Variants in APPL2 observed in about 807,000 individuals in gnomAD.
APPL2 encodes adaptor protein, phosphotyrosine interacting with PH domain and leucine zipper 2.
APPL2 carries 84 observed loss-of-function variants against 92.7 expected under a neutral mutation model. The observed-to-expected ratio is 0.91, with a 90% CI of 0.76 to 1.09. The LOEUF is 1.09. Among genes scored for constraint, APPL2 ranks in the 50% least tolerant of loss-of-function variants. The pLI is 0.00. For synonymous variants in APPL2, 291 were observed against 291.0 expected (o/e 1.00, Z 0.00); for missense variants, 736 against 824.5 (o/e 0.89, Z 1.31).
In APPL2 at chr12:105,217,710, C is replaced by T; in HGVS notation, c.169G>A (p.Ala57Thr). The change falls in exon 3 of 21, where the codon GCC becomes ACC. Residue 57 changes from alanine (A) to threonine (T), a missense_variant. Coordinates refer to ENST00000258530, the MANE Select transcript of APPL2 (RefSeq NM_018171.5). ...VYGAQNEMCL[A>T]TQQLSKQLLA... Reference sequence around the variant, plus strand: ...AGTTGCTTAGAAAGCTGTTGTGTGGCCAGGCACATCTCATTCTGTGGAGAG... The same window carrying T: ...AGTTGCTTAGAAAGCTGTTGTGTGGTCAGGCACATCTCATTCTGTGGAGAG... 6.2e-7 allele frequency: 1 copy of T among 1,613,828 alleles called. No homozygotes were observed. Among genetic ancestry groups the T allele is most frequent in the South Asian group, 1.1e-5 (1 of 91,074 alleles).
intron 20 of APPL2, among the ~76,000 whole-genome samples, chr12:105,174,830 G>A (rs934979369): frequency 4.1e-4 from 58 of 141,482 alleles, no homozygotes; most frequent in Non-Finnish European, 2.3e-4. Context: ...AAACAGCTGC[G>A]GCCATTTATT....
At position 105,217,654 on chromosome 12, in the gene APPL2, A is replaced by G. The variant is rs774440461; in HGVS notation, c.213+12T>C. 7 of 1,613,896 alleles carry G rather than the reference A, an allele frequency of 4.3e-6. No homozygotes were observed. The highest frequency in any genetic ancestry group is 5.1e-6 in the Non-Finnish European group (6 of 1,179,884). ...CACAGCAGCATCACAGGCCACATAAATACCAAGTTACCTGTTTTTCATATG... is the reference window on the plus strand; with the variant it reads ...CACAGCAGCATCACAGGCCACATAAGTACCAAGTTACCTGTTTTTCATATG... On this transcript the variant is annotated intron_variant, in intron 3 of 20. Coordinates refer to ENST00000258530, the MANE Select transcript of APPL2 (RefSeq NM_018171.5).
At chr12:105,174,639 T>C (rs113240615) in intron 20 of APPL2, among the ~76,000 whole-genome samples, 191 bp from the exon 21 acceptor site, 1 of 152,184 alleles carries the variant, frequency 6.6e-6, no homozygotes, top group South Asian at 2.1e-4. Context: ...ACTGTTTTCC[T>C]CTGAGCCAAA....
chr12:105,224,560 C>T (rs1417581606), intron 2 of APPL2, among the ~76,000 whole-genome samples: 1 of 152,222 alleles, frequency 6.6e-6, no homozygotes, highest in African/African-American at 2.4e-5. Context: ...CACTCATCAG[C>T]TGTGTGACCT....
chr12:105,180,421 CT>C (rs1183020766), intron 17 of APPL2, among the ~76,000 whole-genome samples: 1 of 152,134 alleles, frequency 6.6e-6, no homozygotes, highest in Non-Finnish European at 1.5e-5. Context: ...ATACCTCCAG[CT>C]TTGTTCCTTT....
intron 4 of APPL2, among the ~76,000 whole-genome samples, chr12:105,212,073 C>T (rs1329931389): frequency 1.4e-5 from 2 of 140,288 alleles, no homozygotes; most frequent in Non-Finnish European, 3.0e-5. Flanking sequence ...GAGCCGAGAT[C>T]GCACCACTGC....
At chr12:105,204,203 ACTG>A (rs1352257674) in intron 8 of APPL2, among the ~76,000 whole-genome samples, 5 of 152,176 alleles carry the variant, frequency 3.3e-5, no homozygotes, top group African/African-American at 4.8e-5. Flanking sequence ...TTAGGTATGA[ACTG>A]CTCCATTTTC....
rs1312617343 is a variant in APPL2, at chr12:105,174,443, T to C, written c.1866A>G (p.Pro622=). Residue 622 remains proline (P), a synonymous_variant, in exon 21 of 21, where the codon CCA becomes CCG. Transcript: ENST00000258530. The part of the protein sequence containing the change: ...GKEIIEVQKD[P]EALAQLMLSI... The stretch of plus-strand genomic sequence containing the variant: ...ACAGCATTAATTGAGCCAGTGCTTC[T>C]GGATCCTGAAGTTAGGAGAGTTTAA... 1 of 1,612,932 alleles carries C rather than the reference T, an allele frequency of 6.2e-7. No individual in the cohort carries two copies. The highest frequency in any genetic ancestry group is 8.5e-7 in the Non-Finnish European group (1 of 1,179,510).
intron 11 of APPL2, among the ~76,000 whole-genome samples, chr12:105,196,598 T>G (rs1887674526): frequency 6.6e-6 from 1 of 151,854 alleles, no homozygotes; most frequent in Non-Finnish European, 1.5e-5. Flanking sequence ...ACCACTAACG[T>G]GCCCGGCCAA....
intron 10 of APPL2, 163 bp downstream of exon 10, chr12:105,199,210 G>A: frequency 1.2e-6 from 1 of 801,468 alleles, no homozygotes; most frequent in Non-Finnish European, 1.9e-6. Flanking sequence ...CTGGGCCCCA[G>A]AGGTTTCCTG....
At position 105,188,139 on chromosome 12, in the gene APPL2, T is replaced by C. The variant is rs1054472851; in HGVS notation, c.1634+134A>G. On this transcript the variant is annotated intron_variant, in intron 17 of 20. Coordinates refer to ENST00000258530, the MANE Select transcript of APPL2 (RefSeq NM_018171.5). ...GGAGCACTTTCTAGGCTATCTATCT[T>C]ATGTAAAAAGTAGTGGGGGCAAAAG... The C allele has an allele frequency of 1.1e-5, 11 of 966,524 alleles. No homozygotes were observed. The African/African-American group carries it at 1.2e-4, about 10-fold the overall frequency. The allele number at this position is 966,524 out of a possible 1,614,324, so 59.9% of individuals were successfully genotyped here.
intron 20 of APPL2, 80 bp from the exon 21 acceptor site, chr12:105,174,528 G>A: frequency 6.2e-6 from 9 of 1,460,368 alleles, no homozygotes; most frequent in Non-Finnish European, 8.3e-6. Context: ...CTTTCAATAT[G>A]TTCTGTAATC....
In APPL2 at chr12:105,195,342, G is replaced by GC; in HGVS notation, c.1159dup (p.Ala387GlyfsTer39). 1.2e-6 allele frequency: 2 copies of GC among 1,614,074 alleles called. No homozygotes were observed. Among genetic ancestry groups the GC allele is most frequent in the Non-Finnish European group, 1.7e-6 (2 of 1,180,022 alleles). On this transcript the variant is annotated frameshift_variant, in exon 14 of 21. Transcript: ENST00000258530. LOFTEE classifies it high-confidence loss of function. ...CAGAGCGGTCTGATTCAACTTGATC[G>GC]CGACTGCCTAAAAATCCACAGGAAG...
chr12:105,212,098 G>A lies in APPL2; in HGVS notation c.286-781C>T, dbSNP rs1326926321. On this transcript the variant is annotated intron_variant, in intron 4 of 20. Transcript: ENST00000258530. ...CGCACCACTGCAGTTCAGCCTGGGT[G>A]ACAGAGCGAGACTCCATCTCAAAAA... Among the ~76,000 whole-genome samples, 12 of 113,306 alleles carry A rather than the reference G, an allele frequency of 1.1e-4. No individual in the cohort carries two copies. In the South Asian group the frequency reaches 3.6e-3, roughly 34 times the overall value. 74.3% of individuals were successfully genotyped at this position (113,306 alleles called of 152,430 possible).
At chr12:105,185,229 G>A (rs1475195402) in intron 17 of APPL2, among the ~76,000 whole-genome samples, 1 of 152,182 alleles carries the variant, frequency 6.6e-6, no homozygotes, top group African/African-American at 2.4e-5. Flanking sequence ...AAGACCACTT[G>A]GCTCCCTGGC....
At chr12:105,216,729 C>T (rs547821825) in intron 4 of APPL2, among the ~76,000 whole-genome samples, 2 of 152,316 alleles carry the variant, frequency 1.3e-5, no homozygotes, top group South Asian at 4.1e-4. Flanking sequence ...CTACAGCACA[C>T]TGGGAGGGAA....
chr12:105,206,948 G>T, intron 8 of APPL2, 113 bp downstream of exon 8: 2 of 1,347,690 alleles, frequency 1.5e-6, no homozygotes, highest in Non-Finnish European at 2.0e-6. Context: ...TAGCCAGGGA[G>T]ATTGTGCATT....
chr12:105,199,871 T>C lies in APPL2; in HGVS notation c.705-340A>G, dbSNP rs190738353. ...TCTCGCTCTGTCGCCCAGGCTGGAG[T>C]ACAGTGGCGCGATCTCCTCTCACTG... On this transcript the variant is annotated intron_variant, in intron 9 of 20. Transcript: ENST00000258530. Among the ~76,000 whole-genome samples the C allele has an allele frequency of 6.0e-3, 911 of 152,032 alleles. 21 individuals carry two copies. Among genetic ancestry groups the C allele is most frequent in the African/African-American group, 0.021 (862 of 41,454 alleles).
chr12:105,210,829 G>A (rs565982187), intron 5 of APPL2, among the ~76,000 whole-genome samples: 5 of 152,108 alleles, frequency 3.3e-5, no homozygotes, highest in South Asian at 4.2e-4. Context: ...AGCATTCACG[G>A]TTCCCCCAAG....
Sources: allele counts gnomAD v4.1 joint callset (sites outside exome capture counted in the v4.1 genomes callset), GRCh38; gene constraint gnomAD v4.1.1; transcripts MANE v1.5; gene names NCBI Gene and HGNC (gene_info 2026-07-23, HGNC 2026-07-21).